PEPD: variants seen among roughly 807,000 people sequenced by gnomAD.
PEPD encodes peptidase D.
PEPD carries 53 observed loss-of-function variants against 60.7 expected under a neutral mutation model. That is an observed-to-expected ratio of 0.87 (90% CI 0.70 to 1.10). PEPD has a LOEUF of 1.10. PEPD is among the 50% of genes least tolerant of loss of function. The pLI is 0.00. For missense variants in PEPD, 711 were observed against 711.9 expected (o/e 1.00, Z 0.01); for synonymous variants, 267 against 284.1 (o/e 0.94, Z 0.60).
chr19:33,493,458 C>T (rs376814573), intron 4 of PEPD, 121 bp from the exon 5 acceptor site: 17 of 770,756 alleles, frequency 2.2e-5, no homozygotes, highest in South Asian at 2.9e-5. Flanking sequence ...GAACAGGCGA[C>T]GTGGGCGCTG....
chr19:33,468,325 C>G (rs1283203596), intron 7 of PEPD, among the ~76,000 whole-genome samples: 2 of 152,276 alleles, frequency 1.3e-5, no homozygotes, highest in Admixed American at 1.3e-4. Context: ...GCTGGAGTGT[C>G]TGAGGATGCA....
At chr19:33,505,790 CCA>C (rs1204866979) in intron 3 of PEPD, among the ~76,000 whole-genome samples, 3 of 145,448 alleles carry the variant, frequency 2.1e-5, no homozygotes, top group Non-Finnish European at 4.6e-5. Context: ...ACCCACACAC[CCA>C]CATACACCCT....
At chr19:33,489,035 C>T (rs1466186714) in intron 6 of PEPD, among the ~76,000 whole-genome samples, 3 of 152,140 alleles carry the variant, frequency 2.0e-5, no homozygotes, top group Non-Finnish European at 2.9e-5. Flanking sequence ...CAGTCACCAG[C>T]CAGTCCAGGG....
At chr19:33,484,373 C>T (rs1285784055) in intron 6 of PEPD, among the ~76,000 whole-genome samples, 2 of 152,244 alleles carry the variant, frequency 1.3e-5, no homozygotes, top group East Asian at 1.9e-4. Context: ...TACGCATACA[C>T]ACGTGCACAT....
Position 33,478,116 on chromosome 19 carries a change from C to T in PEPD, c.504-26G>A, listed in dbSNP as rs1307377648. 3 of 1,564,616 alleles carry T rather than the reference C, an allele frequency of 1.9e-6. No homozygotes were observed. The Admixed American group carries it at 5.1e-5, about 27-fold the overall frequency. On this transcript the variant is annotated intron_variant, in intron 6 of 14. Coordinates refer to ENST00000244137, the MANE Select transcript of PEPD (RefSeq NM_000285.4). ...CTGTAGGGCGAAAAGAAATCAAGCC[C>T]ATTAATCCAACGGTCTGTCATGTCC... is the stretch of plus-strand genomic sequence containing the variant.
chr19:33,509,262 G>A (rs1192302063), intron 3 of PEPD, among the ~76,000 whole-genome samples: 1 of 152,250 alleles, frequency 6.6e-6, no homozygotes. Context: ...CAGTTGGCCC[G>A]GGTGTGTCCA....
rs1168581934 is a variant in PEPD, at chr19:33,521,788, G to A, written c.-28C>T. ...TCGCCCGGCACCGGCGTCACGTGAA[G>A]TGCGGCGTCAGCTGAGCCCCTCCGG... On this transcript the variant is annotated 5_prime_UTR_variant, in exon 1 of 15. Coordinates refer to ENST00000244137, the MANE Select transcript of PEPD (RefSeq NM_000285.4). 1.3e-6 allele frequency: 2 copies of A among 1,564,044 alleles called. No individual in the cohort carries two copies. Among genetic ancestry groups the A allele is most frequent in the Admixed American group, 3.6e-5 (2 of 55,076 alleles).
intron 9 of PEPD, among the ~76,000 whole-genome samples, chr19:33,443,914 AAG>A (rs1969538818): frequency 6.7e-6 from 1 of 149,118 alleles, no homozygotes; most frequent in Non-Finnish European, 1.5e-5. Flanking sequence ...GCAGGGTGAG[AAG>A]AGTGTGTAAT....
chr19:33,496,360 T>G (rs1730087375), intron 4 of PEPD, among the ~76,000 whole-genome samples: 1 of 152,172 alleles, frequency 6.6e-6, no homozygotes, highest in South Asian at 2.1e-4. Flanking sequence ...AATCCAGGCC[T>G]GACTCTGAGA....
Position 33,463,042 on chromosome 19 carries a change from C to T in PEPD, c.625-1G>A, listed in dbSNP as rs1273049043. The stretch of plus-strand genomic sequence containing the variant: ...TTCCCACTTTTACAGCCTTCATTAC[C>T]TGGAGGACGGATATTAAGCAAAGAC... On this transcript the variant is annotated splice_acceptor_variant, in intron 8 of 14. Transcript: ENST00000244137. LOFTEE classifies it high-confidence loss of function. The T allele has an allele frequency of 6.3e-7, 1 of 1,576,336 alleles. No homozygotes were observed. The highest frequency in any genetic ancestry group is 8.7e-7 in the Non-Finnish European group (1 of 1,145,728).
intron 9 of PEPD, among the ~76,000 whole-genome samples, chr19:33,449,758 G>A (rs2404195): frequency 0.016 from 531 of 34,124 alleles, 5 homozygotes; most frequent in Non-Finnish European, 0.026. Flanking sequence ...CACCCCAGGC[G>A]GTGTCCCAAT....
intron 12 of PEPD, among the ~76,000 whole-genome samples, chr19:33,400,581 C>T (rs913222427): frequency 4.6e-5 from 7 of 152,206 alleles, no homozygotes; most frequent in East Asian, 1.9e-4. Flanking sequence ...CAGTCAGAGT[C>T]GTGGGAGCCA....
chr19:33,470,583 A>G (rs1367236534), intron 7 of PEPD, among the ~76,000 whole-genome samples: 1 of 152,164 alleles, frequency 6.6e-6, no homozygotes, highest in Non-Finnish European at 1.5e-5. Flanking sequence ...TCTAACACTT[A>G]GAATTCTTTT....
chr19:33,422,174 T>C lies in PEPD; in HGVS notation c.672-8531A>G, dbSNP rs141406343. Among the ~76,000 whole-genome samples the C allele has an allele frequency of 6.0e-3, 910 of 152,114 alleles. 9 individuals carry two copies. Among genetic ancestry groups the C allele is most frequent in the African/African-American group, 0.021 (872 of 41,478 alleles). ...CAGGCCACTGGAACAGCTTTTTCTC[T>C]CTGCCTGGAATGTCCACCCCAGAAA... On this transcript the variant is annotated intron_variant, in intron 9 of 14. Transcript: ENST00000244137.
At chr19:33,505,552 G>A (rs1287575450) in intron 3 of PEPD, among the ~76,000 whole-genome samples, 5 of 151,906 alleles carry the variant, frequency 3.3e-5, no homozygotes, top group Admixed American at 6.6e-5. Context: ...GAGGGCCCCC[G>A]ACACCCTGCC....
intron 6 of PEPD, among the ~76,000 whole-genome samples, chr19:33,480,535 G>A (rs1169863514): frequency 6.6e-6 from 1 of 152,156 alleles, no homozygotes; most frequent in East Asian, 1.9e-4. Context: ...GGTGGCTCAC[G>A]CCTGTAATCG....
chr19:33,457,173 T>C (rs1322535692), intron 9 of PEPD, among the ~76,000 whole-genome samples: 3 of 151,710 alleles, frequency 2.0e-5, no homozygotes, highest in African/African-American at 7.3e-5. Flanking sequence ...GGCTTATGCC[T>C]AGAATCCCAG....
intron 9 of PEPD, among the ~76,000 whole-genome samples, chr19:33,446,373 G>A (rs185224853): frequency 6.6e-6 from 1 of 152,352 alleles, no homozygotes; most frequent in East Asian, 1.9e-4. Flanking sequence ...TTATGAATCA[G>A]CCAACACTGG....
chr19:33,485,748 C>T (rs1970385929), intron 6 of PEPD, among the ~76,000 whole-genome samples: 1 of 152,134 alleles, frequency 6.6e-6, no homozygotes, highest in East Asian at 1.9e-4. Flanking sequence ...CAATTGTCTT[C>T]AAATATGCAG....
Sources: allele counts gnomAD v4.1 joint callset (sites outside exome capture counted in the v4.1 genomes callset), GRCh38; gene constraint gnomAD v4.1.1; transcripts MANE v1.5; gene names NCBI Gene and HGNC (gene_info 2026-07-23, HGNC 2026-07-21).